TLCD4: variants seen among roughly 807,000 people sequenced by gnomAD.
TLCD4 encodes TLC domain-containing protein 4.
Under a neutral mutation model 24.2 loss-of-function variants are expected in TLCD4, and 7 were observed. The observed-to-expected ratio is 0.29, with a 90% confidence interval of 0.16 to 0.54. TLCD4 has a LOEUF of 0.54. TLCD4 is among the 20% of genes least tolerant of loss of function. The pLI is 0.95. For missense variants in TLCD4, 259 were observed against 313.9 expected, an observed-to-expected ratio of 0.82 and a Z score of 1.32; for synonymous variants, 103 against 106.4, an observed-to-expected ratio of 0.97 and a Z score of 0.20.
intron 6 of TLCD4, among the ~76,000 whole-genome samples, chr1:95,177,316 CG>C (rs72440145): frequency 0.023 from 3,556 of 152,126 alleles, 103 homozygotes; most frequent in African/African-American, 0.066. Flanking sequence ...ATCTAAAACC[CG>C]GGGAAGGCTT....
chr1:95,179,509 A>T (rs999042355), intron 6 of TLCD4, among the ~76,000 whole-genome samples: 6 of 152,206 alleles, frequency 3.9e-5, no homozygotes, highest in African/African-American at 1.4e-4. Flanking sequence ...TTTAATGTTC[A>T]CTATTTGGCT....
intron 3 of TLCD4, among the ~76,000 whole-genome samples, chr1:95,149,761 T>C (rs1029074238): frequency 7.2e-5 from 11 of 152,170 alleles, no homozygotes; most frequent in Non-Finnish European, 1.5e-5. Context: ...AAAGATTTGA[T>C]TCATTGTTCA....
chr1:95,115,234 G>A (rs1040010196), upstream of TLCD4, among the ~76,000 whole-genome samples: 3 of 151,822 alleles, frequency 2.0e-5, no homozygotes, highest in East Asian at 3.9e-4. Context: ...AGCCTCTCGA[G>A]TAGCTGAGAT....
intron 3 of TLCD4, 27 bp downstream of exon 3, chr1:95,148,818 C>T: frequency 3.1e-6 from 5 of 1,602,112 alleles, no homozygotes; most frequent in Non-Finnish European, 4.2e-6. Context: ...TCTAAGATTG[C>T]CAATTTCATT....
At chr1:95,185,460 A>G (rs1190873272) in intron 6 of TLCD4, among the ~76,000 whole-genome samples, 1 of 152,192 alleles carries the variant, frequency 6.6e-6, no homozygotes, top group African/African-American at 2.4e-5. Flanking sequence ...TTTGAACTGT[A>G]TGAGTCCACT....
intron 1 of TLCD4, among the ~76,000 whole-genome samples, chr1:95,139,414 G>A (rs1312884982): frequency 3.0e-5 from 4 of 132,180 alleles, no homozygotes; most frequent in African/African-American, 8.2e-5. Context: ...CCTTAGCTTA[G>A]TTTCTTTTTT....
At chr1:95,139,650 G>T (rs1289676537) in intron 1 of TLCD4, among the ~76,000 whole-genome samples, 16 of 151,430 alleles carry the variant, frequency 1.1e-4, no homozygotes, top group Non-Finnish European at 8.8e-5. Context: ...AGTAGAGATG[G>T]GGTTTCACCA....
intron 1 of TLCD4, among the ~76,000 whole-genome samples, chr1:95,126,282 G>A (rs560528665): frequency 6.6e-6 from 1 of 151,780 alleles, no homozygotes; most frequent in Non-Finnish European, 1.5e-5. Context: ...ACAAAAATTA[G>A]CCAGGCATGG....
the TLCD4 span, among the ~76,000 whole-genome samples, chr1:95,102,022 G>C: frequency 1.3e-5 from 2 of 152,194 alleles, no homozygotes; most frequent in Non-Finnish European, 2.9e-5. Context: ...AGGCAATAAA[G>C]AGTAAGAGAA....
At chr1:95,173,694 T>A (rs1174720431) in intron 5 of TLCD4, 122 bp from the exon 6 acceptor site, 1 of 1,257,892 alleles carries the variant, frequency 7.9e-7, no homozygotes, top group East Asian at 2.4e-5. Context: ...GTAGAAAACT[T>A]CTTGATCTGT....
the TLCD4 span, among the ~76,000 whole-genome samples, chr1:95,103,340 T>C: frequency 2.9e-4 from 44 of 152,254 alleles, no homozygotes; most frequent in African/African-American, 1.0e-3. Flanking sequence ...AAGATGTTTC[T>C]TCAACTCCTA....
intron 1 of TLCD4, among the ~76,000 whole-genome samples, chr1:95,125,320 A>G (rs959568891): frequency 3.3e-5 from 5 of 152,228 alleles, no homozygotes; most frequent in African/African-American, 1.2e-4. Flanking sequence ...GCTGTGAAGT[A>G]GTTCAAGGAA....
intron 5 of TLCD4, among the ~76,000 whole-genome samples, chr1:95,151,819 C>T (rs1378213998): frequency 6.6e-6 from 1 of 152,100 alleles, no homozygotes; most frequent in African/African-American, 2.4e-5. Context: ...TACATAATTA[C>T]ATTTAAGTAG....
At chr1:95,108,546 A>G in the TLCD4 span, among the ~76,000 whole-genome samples, 1 of 151,880 alleles carries the variant, frequency 6.6e-6, no homozygotes, top group Non-Finnish European at 1.5e-5. Flanking sequence ...CTGGTATCAA[A>G]CTCCTGGGCT....
At chr1:95,183,065 G>A (rs1678703715) in intron 6 of TLCD4, among the ~76,000 whole-genome samples, 1 of 152,200 alleles carries the variant, frequency 6.6e-6, no homozygotes, top group Non-Finnish European at 1.5e-5. Context: ...ATTCTGGAAA[G>A]AGCACTGAGT....
chr1:95,128,183 G>T (rs1676795961), intron 1 of TLCD4, among the ~76,000 whole-genome samples: 1 of 152,180 alleles, frequency 6.6e-6, no homozygotes, highest in Non-Finnish European at 1.5e-5. Flanking sequence ...CCTAGAAAAT[G>T]ACCTGAATTT....
At chr1:95,154,963 ATTTGG>A (rs1376714731) in intron 5 of TLCD4, among the ~76,000 whole-genome samples, 1 of 151,198 alleles carries the variant, frequency 6.6e-6, no homozygotes, top group Non-Finnish European at 1.5e-5. Context: ...CAGGATTCCA[ATTTGG>A]GATGCCCAGA....
intron 5 of TLCD4, among the ~76,000 whole-genome samples, chr1:95,167,792 A>G (rs1167536725): frequency 2.0e-5 from 3 of 152,112 alleles, no homozygotes; most frequent in Non-Finnish European, 4.4e-5. Context: ...ACAGCTGTAA[A>G]TCATGTGCTT....
intron 6 of TLCD4, among the ~76,000 whole-genome samples, chr1:95,175,965 G>A (rs1678409748): frequency 6.6e-6 from 1 of 151,792 alleles, no homozygotes; most frequent in African/African-American, 2.4e-5. Flanking sequence ...TTGTAGAGAA[G>A]GAGTTTCACC....
Sources: allele counts gnomAD v4.1 joint callset (sites outside exome capture counted in the v4.1 genomes callset), GRCh38; gene constraint gnomAD v4.1.1; transcripts MANE v1.5; gene names NCBI Gene and HGNC (gene_info 2026-07-23, HGNC 2026-07-21).